SLC4A4: variants seen among roughly 807,000 people sequenced by gnomAD.
The protein encoded by SLC4A4 is electrogenic sodium bicarbonate cotransporter 1.
Under a neutral mutation model 111.5 loss-of-function variants are expected in SLC4A4, and 27 were observed. The observed-to-expected ratio is 0.24, with a 90% confidence interval of 0.18 to 0.33. SLC4A4 has a LOEUF of 0.33. Ranked by LOEUF, SLC4A4 falls within the 10% of genes least tolerant of loss-of-function variation. The probability of loss-of-function intolerance (pLI) is 1.00; values close to 1 mark genes in which losing one functional copy is unlikely to be tolerated. For synonymous variants in SLC4A4, 443 were observed against 463.4 expected (o/e 0.96, Z 0.57); for missense variants, 909 against 1,315.5 (o/e 0.69, Z 4.78).
chr4:71,420,179 C>T (rs1342233795), intron 7 of SLC4A4, among the ~76,000 whole-genome samples: 7 of 152,024 alleles, frequency 4.6e-5, no homozygotes, highest in Admixed American at 3.9e-4. Flanking sequence ...TCCAGAACTA[C>T]GTGAAGAATG....
chr4:71,135,991 AC>A (rs1403646541), intron 2 of SLC4A4, among the ~76,000 whole-genome samples: 2 of 152,120 alleles, frequency 1.3e-5, no homozygotes, highest in East Asian at 1.9e-4. Flanking sequence ...AAGTTTTCAA[AC>A]CCTCTGAACT....
In SLC4A4 at chr4:71,451,205, G is replaced by T. The variant is rs778043180; in HGVS notation, c.1226G>T (p.Gly409Val). Reference protein sequence around the residue: ...SSDKRKNMYSGGENVQMNGDT... With the variant: ...SSDKRKNMYSVGENVQMNGDT... ...TTGCTTAGAAAGAATATGTACTCAGGTGGAGAGAATGTTCAGATGAATGGG... is the reference window on the plus strand; with the variant it reads ...TTGCTTAGAAAGAATATGTACTCAGTTGGAGAGAATGTTCAGATGAATGGG... The change falls in exon 11 of 26, where the codon GGT (glycine) becomes GTT (valine). Residue 409 changes from glycine to valine, a missense_variant. By Grantham distance (109) the Gly-to-Val change is moderately radical. Coordinates refer to ENST00000264485, the MANE Select transcript of SLC4A4 (RefSeq NM_001098484.3). 6.2e-7 allele frequency: 1 copy of T among 1,606,954 alleles called. No individual in the cohort carries two copies. The highest frequency in any genetic ancestry group is 1.1e-5 in the South Asian group (1 of 90,922).
At chr4:71,093,545 T>C (rs1742447933) in intron 2 of SLC4A4, among the ~76,000 whole-genome samples, 1 of 152,216 alleles carries the variant, frequency 6.6e-6, no homozygotes, top group African/African-American at 2.4e-5. Context: ...AAAACCTTTT[T>C]GTTCTGTAAG....
chr4:71,147,899 T>G (rs1744223392), intron 2 of SLC4A4, among the ~76,000 whole-genome samples: 1 of 152,048 alleles, frequency 6.6e-6, no homozygotes, highest in African/African-American at 2.4e-5. Flanking sequence ...CAGAGCACAC[T>G]CCATAAGCTG....
intron 1 of SLC4A4, among the ~76,000 whole-genome samples, chr4:71,219,957 A>G (rs967756020): frequency 3.9e-5 from 6 of 152,216 alleles, no homozygotes; most frequent in Admixed American, 1.3e-4. Flanking sequence ...ATTTCTTGAG[A>G]TCGAATCTGC....
At chr4:71,296,680 A>G (rs75943275) in intron 3 of SLC4A4, among the ~76,000 whole-genome samples, 11,401 of 152,264 alleles carry the variant, frequency 0.075, 609 homozygotes, top group Non-Finnish European at 0.11. Flanking sequence ...TTAATTTAAA[A>G]AAGTGGTTAA....
At chr4:71,098,963 T>C (rs1426397510) in intron 2 of SLC4A4, among the ~76,000 whole-genome samples, 1 of 152,138 alleles carries the variant, frequency 6.6e-6, no homozygotes, top group Non-Finnish European at 1.5e-5. Flanking sequence ...ATAAAGCAAG[T>C]TCTTGGAGAC....
chr4:71,517,416 G>A (rs746708995), intron 16 of SLC4A4, among the ~76,000 whole-genome samples: 1 of 150,698 alleles, frequency 6.6e-6, no homozygotes, highest in Non-Finnish European at 1.5e-5. Flanking sequence ...ATATTTTTTG[G>A]CTCCAGAATT....
chr4:71,533,886 C>G (rs1380693711), intron 17 of SLC4A4, among the ~76,000 whole-genome samples: 2 of 151,954 alleles, frequency 1.3e-5, no homozygotes, highest in Non-Finnish European at 2.9e-5. Context: ...TACCTTTTTA[C>G]CTTTTTACAT....
At chr4:71,401,188 A>T (rs944810984) in intron 7 of SLC4A4, among the ~76,000 whole-genome samples, 1 of 152,234 alleles carries the variant, frequency 6.6e-6, no homozygotes, top group African/African-American at 2.4e-5. Context: ...ATTTGAGGGC[A>T]TATTTTTTAT....
At chr4:71,267,791 CAAAAAAAAAAAAAAA>C (rs71212002) in intron 3 of SLC4A4, among the ~76,000 whole-genome samples, 1 of 62,360 alleles carries the variant, frequency 1.6e-5, no homozygotes, top group Non-Finnish European at 2.5e-5. Flanking sequence ...GAGAGTCTGC[CAAAAAAAAAAAAAAA>C]AAAAAAAAAA....
Position 71,568,065 on chromosome 4 carries a change from G to A in SLC4A4, c.*314G>A, listed in dbSNP as rs778711140. On this transcript the variant is annotated 3_prime_UTR_variant, in exon 26 of 26. Transcript: ENST00000264485. ...GACACAATCAAGACAATAGTGCACCGTTCCTTAAAAACAGCATCTGAGGAA... is the reference window on the plus strand; with the variant it reads ...GACACAATCAAGACAATAGTGCACCATTCCTTAAAAACAGCATCTGAGGAA... 10 of 523,202 alleles carry A rather than the reference G, an allele frequency of 1.9e-5. No individual in the cohort carries two copies. The highest frequency in any genetic ancestry group is 4.0e-5 in the Admixed American group (1 of 24,742). 32.4% of individuals were successfully genotyped at this position (523,202 alleles called of 1,614,324 possible). A position where few individuals can be genotyped will look rare whatever the true frequency, so the allele number is the denominator to read the frequency against.
intron 6 of SLC4A4, among the ~76,000 whole-genome samples, chr4:71,394,616 A>G (rs1719629957): frequency 6.6e-6 from 1 of 152,144 alleles, no homozygotes; most frequent in South Asian, 2.1e-4. Flanking sequence ...TCCTTAAAGA[A>G]CTAAAAGTAG....
chr4:71,412,237 A>C lies in SLC4A4; in HGVS notation c.807+14584A>C, dbSNP rs184398928. Among the ~76,000 whole-genome samples, 24 of 152,356 alleles carry C rather than the reference A, an allele frequency of 1.6e-4. No homozygotes were observed. The East Asian group carries it at 2.7e-3, about 17-fold the overall frequency. ...TTTGAACAGAGAATTTATGACTTTC[A>C]GCAGATTTAGACTCTTCAAAGGTGT... On this transcript the variant is annotated intron_variant, in intron 7 of 25. Coordinates refer to ENST00000264485, the MANE Select transcript of SLC4A4 (RefSeq NM_001098484.3).
chr4:71,298,056 C>A (rs1443977777), intron 3 of SLC4A4, among the ~76,000 whole-genome samples: 2 of 152,160 alleles, frequency 1.3e-5, no homozygotes, highest in Non-Finnish European at 2.9e-5. Context: ...TTTTCATTCC[C>A]CATCTTGGTT....
intron 2 of SLC4A4, among the ~76,000 whole-genome samples, chr4:71,137,668 G>T (rs1195002267): frequency 6.6e-6 from 1 of 152,210 alleles, no homozygotes; most frequent in Admixed American, 6.5e-5. Context: ...ATTCTCAAGT[G>T]GTTGCTGCCT....
chr4:71,308,973 C>A (rs571674251), intron 3 of SLC4A4, among the ~76,000 whole-genome samples: 2 of 152,318 alleles, frequency 1.3e-5, no homozygotes, highest in East Asian at 1.9e-4. Context: ...AAGCTAAGAA[C>A]CACTGGCTTG....
At chr4:71,173,573 G>T (rs1745004220) in intron 2 of SLC4A4, among the ~76,000 whole-genome samples, 1 of 152,090 alleles carries the variant, frequency 6.6e-6, no homozygotes, top group African/African-American at 2.4e-5. Context: ...TAAAGACAGG[G>T]TTTCACCATG....
At chr4:71,437,694 A>G in intron 7 of SLC4A4, 1 of 440,466 alleles carries the variant, frequency 2.3e-6, no homozygotes, top group South Asian at 1.9e-5. Context: ...CAACTGATCC[A>G]GTTCCTATAA....
Sources: gnomAD v4.1 joint callset for allele counts (sites outside exome capture counted in the v4.1 genomes callset) on GRCh38, gnomAD v4.1.1 for gene constraint, MANE v1.5 for transcripts, NCBI Gene and HGNC (gene_info 2026-07-23, HGNC 2026-07-21) for gene names.